Variants in ACD observed in about 807,000 individuals in gnomAD.
ACD encodes ACD shelterin complex subunit and telomerase recruitment factor.
ACD carries 39 observed loss-of-function variants against 53.9 expected under a neutral mutation model. The ratio of observed to expected loss-of-function variants is 0.72; its 90% CI spans 0.56 to 0.95. The LOEUF is 0.95. Among genes scored for constraint, ACD ranks in the 40% least tolerant of loss-of-function variants. The pLI is 0.00. For synonymous variants in ACD, 273 were observed against 249.2 expected (o/e 1.10, Z -0.90); for missense variants, 526 against 587.9 (o/e 0.89, Z 1.09).
Position 67,657,976 on chromosome 16 carries a change from C to T in ACD, c.1206+10G>A. ...GTTCTACCCTCCAGCTGCAGAGGGG[C>T]TATGCTCACCCAGACAGAGCAGGGC... On this transcript the variant is annotated intron_variant, in intron 10 of 11. Coordinates refer to ENST00000620761, the MANE Select transcript of ACD (RefSeq NM_001082486.2). The surrounding 1 kb of genome is among the most constrained non-coding windows in gnomAD (Gnocchi z 4.5). The T allele has an allele frequency of 6.3e-7, 1 of 1,580,174 alleles. No individual in the cohort carries two copies. The highest frequency in any genetic ancestry group is 8.6e-7 in the Non-Finnish European group (1 of 1,161,446).
rs773274371 is a variant in ACD at position 67,657,843 on chromosome 16, T to C, written c.1217A>G (p.Lys406Arg). The C allele has an allele frequency of 3.1e-6, 5 of 1,613,926 alleles. No homozygotes were observed. In the African/African-American group the frequency reaches 5.3e-5, roughly 17 times the overall value. ...GAAGGCAGAACCATCACGATGCCTCTTTGGGGGTTCCTGAAAGGGGTATGG... is the reference window on the plus strand; with the variant it reads ...GAAGGCAGAACCATCACGATGCCTCCTTGGGGGTTCCTGAAAGGGGTATGG... Reference protein sequence around the residue: ...QEPCSVWEPPKRHRDGSAFQY... With the variant: ...QEPCSVWEPPRRHRDGSAFQY... Residue 406 changes from lysine (K) to arginine (R), a missense_variant, in exon 11 of 12, where the codon AAG becomes AGG. Physicochemically the swap from Lys to Arg is conservative, Grantham distance 26. Coordinates refer to ENST00000620761, the MANE Select transcript of ACD (RefSeq NM_001082486.2). This position sits in a 1 kb window ranked among gnomAD's most constrained non-coding sequence, Gnocchi z 4.5.
In ACD at chr16:67,659,536, C is replaced by T. The variant is rs767285943; in HGVS notation, c.413+1G>A. ...TGCTGGAGGGCGGAGGCATCACTTA[C>T]CAACCAGGCACCCGTAGCCGGGGCT... is the stretch of plus-strand genomic sequence containing the variant. On this transcript the variant is annotated splice_donor_variant, in intron 4 of 11. Coordinates refer to ENST00000620761, the MANE Select transcript of ACD (RefSeq NM_001082486.2). LOFTEE classifies it high-confidence loss of function. The T allele has an allele frequency of 1.2e-6, 2 of 1,613,004 alleles. No homozygotes were observed. The highest frequency in any genetic ancestry group is 1.3e-5 in the African/African-American group (1 of 74,928).
At position 67,659,466 on chromosome 16, in the gene ACD, C is replaced by G. The variant is rs769159666; in HGVS notation, c.414-47G>C. The G allele has an allele frequency of 3.7e-6, 6 of 1,613,952 alleles. No individual in the cohort carries two copies. The Admixed American group carries it at 6.7e-5, about 18-fold the overall frequency. On this transcript the variant is annotated intron_variant, in intron 4 of 11. Coordinates refer to ENST00000620761, the MANE Select transcript of ACD (RefSeq NM_001082486.2). ...TTAATGGGGGCCCAAGCCCTCCTACCCCATAGGCGTCTGCCAGCGCCGGCC... is the reference window on the plus strand; with the variant it reads ...TTAATGGGGGCCCAAGCCCTCCTACGCCATAGGCGTCTGCCAGCGCCGGCC...
In ACD at chr16:67,660,008, G is replaced by A. The variant is rs1364303645; in HGVS notation, c.137C>T (p.Ser46Phe). 10 of 1,607,768 alleles carry A rather than the reference G, an allele frequency of 6.2e-6. No individual in the cohort carries two copies. The highest frequency in any genetic ancestry group is 4.4e-5 in the South Asian group (4 of 90,860). The change falls in exon 2 of 12, where the codon TCC (serine) becomes TTC (phenylalanine). Residue 46 changes from serine (S) to phenylalanine (F), a missense_variant. By Grantham distance (155) the Ser-to-Phe change is radical (BLOSUM62 -2). Coordinates refer to ENST00000620761, the MANE Select transcript of ACD (RefSeq NM_001082486.2). The part of the protein sequence containing the change: ...QDAEAAVAGP[S>F]HAPDTSDVGA... ...GACGTCGGACGTATCAGGGGCGTGG[G>A]ATGGGCCCGCGACCGCGGCCTCGGC...
Position 67,657,872 on chromosome 16 carries a change from C to G in ACD, c.1207-19G>C. On this transcript the variant is annotated intron_variant, in intron 10 of 11. Transcript: ENST00000620761. This position sits in a 1 kb window ranked among gnomAD's most constrained non-coding sequence, Gnocchi z 4.5. ...GGGGTTCCTGAAAGGGGTATGGTGT[C>G]TGGGGAAGAGCTAACAAGGACCCCA... 6.2e-7 allele frequency: 1 copy of G among 1,613,878 alleles called. No homozygotes were observed. Among genetic ancestry groups the G allele is most frequent in the Non-Finnish European group, 8.5e-7 (1 of 1,179,978 alleles).
In ACD at chr16:67,658,786, T is replaced by C. The variant is rs1297777290; in HGVS notation, c.676A>G (p.Met226Val). ...GEAVYTVPSSMLCISENDQLI... is the reference protein window; with the variant it reads ...GEAVYTVPSSVLCISENDQLI... ...TGGTCATTCTCAGAGATGCACAGCATTGAGCTGGGGACAGTGTACACAGCT... is the reference window on the plus strand; with the variant it reads ...TGGTCATTCTCAGAGATGCACAGCACTGAGCTGGGGACAGTGTACACAGCT... Residue 226 changes from methionine to valine, a missense_variant, in exon 8 of 12, where the codon ATG (methionine) becomes GTG (valine). Transcript: ENST00000620761. The C allele has an allele frequency of 6.2e-7, 1 of 1,613,520 alleles. No homozygotes were observed. The highest frequency in any genetic ancestry group is 2.2e-5 in the East Asian group (1 of 44,872).
intron 5 of ACD, 35 bp from the exon 6 acceptor site, chr16:67,659,298 T>A (rs968441217): frequency 6.2e-7 from 1 of 1,614,100 alleles, no homozygotes; most frequent in Non-Finnish European, 8.5e-7. Flanking sequence ...TCAGGAACCA[T>A]GCTGAGGCCT....
In ACD at chr16:67,658,329, T is replaced by C; in HGVS notation, c.863A>G (p.Glu288Gly). ...TPALPGHMSS[E>G]ESGTSISLLP... The stretch of plus-strand genomic sequence containing the variant: ...AAGGCTGATGCTGGTACCACTTTCC[T>C]CGGATGACATGTGGCCGGGTAAGGC... Residue 288 changes from glutamate (E) to glycine (G), a missense_variant, in exon 10 of 12, where the codon GAG becomes GGG. Physicochemically the swap from Glu to Gly is moderately conservative, Grantham distance 98 (BLOSUM62 -2). Transcript: ENST00000620761. The C allele has an allele frequency of 1.2e-6, 2 of 1,613,782 alleles. No homozygotes were observed. Among genetic ancestry groups the C allele is most frequent in the Non-Finnish European group, 1.7e-6 (2 of 1,179,986 alleles).
At position 67,658,247 on chromosome 16, in the gene ACD, G is replaced by A. The variant is rs745532404; in HGVS notation, c.945C>T (p.Pro315=). ...CAGGGGCTGAGCAGATGGCTGGTGAGGGCTGGGAGCTGCTTCTCTGCCCTG... is the reference window on the plus strand; with the variant it reads ...CAGGGGCTGAGCAGATGGCTGGTGAAGGCTGGGAGCTGCTTCTCTGCCCTG... ...PDPGQRSSSQ[P]SPAICSAPAT... The change falls in exon 10 of 12, where the codon CCC becomes CCT. Residue 315 remains proline, a synonymous_variant. Transcript: ENST00000620761. 6.2e-7 allele frequency: 1 copy of A among 1,613,590 alleles called. No homozygotes were observed. Among genetic ancestry groups the A allele is most frequent in the South Asian group, 1.1e-5 (1 of 91,090 alleles).
intron 4 of ACD, 51 bp from the exon 5 acceptor site, chr16:67,659,470 T>C (rs1202526101): frequency 6.8e-6 from 11 of 1,613,808 alleles, no homozygotes; most frequent in Admixed American, 1.7e-5. Flanking sequence ...TCCTACCCCA[T>C]AGGCGTCTGC....
At position 67,657,519 on chromosome 16, in the gene ACD, T is replaced by C. The variant is rs2052891222; in HGVS notation, c.*87A>G. On this transcript the variant is annotated 3_prime_UTR_variant, in exon 12 of 12. Transcript: ENST00000620761. This position sits in a 1 kb window ranked among gnomAD's most constrained non-coding sequence, Gnocchi z 4.5. ...AAGAGGCGGCGGCCCCAATCCCTGA[T>C]CCTCTCCTCTCCTGCCGCATGAGAT... 4.3e-6 allele frequency: 7 copies of C among 1,613,378 alleles called. No individual in the cohort carries two copies. Among genetic ancestry groups the C allele is most frequent in the Non-Finnish European group, 5.1e-6 (6 of 1,179,620 alleles).
Position 67,658,289 on chromosome 16 carries a change from G to A in ACD, c.903C>T (p.Ser301=), listed in dbSNP as rs1783907452. Residue 301 remains serine, a synonymous_variant, in exon 10 of 12, where the codon TCC becomes TCT. Transcript: ENST00000620761. ...TCTGCCCTGGGTCTGGAGCAGCCAA[G>A]GACAGGGCAGGCAGAAGGCTGATGC... The part of the protein sequence containing the change: ...GTSISLLPAL[S]LAAPDPGQRS... 6 of 1,613,876 alleles carry A rather than the reference G, an allele frequency of 3.7e-6. No homozygotes were observed. Among genetic ancestry groups the A allele is most frequent in the Non-Finnish European group, 5.1e-6 (6 of 1,180,016 alleles).
In ACD at chr16:67,659,598, G is replaced by C; in HGVS notation, c.352C>G (p.Leu118Val). The change falls in exon 4 of 12, where the codon CTC becomes GTC. Residue 118 changes from leucine (L) to valine (V), a missense_variant. By Grantham distance (32) the Leu-to-Val change is conservative (BLOSUM62 1). Coordinates refer to ENST00000620761, the MANE Select transcript of ACD (RefSeq NM_001082486.2). Reference sequence around the variant, plus strand: ...AGCAGGCTGAAGCGGTCCACCTGGAGATAGAACTCTGCGGGCTGGAGGAGT... The same window carrying C: ...AGCAGGCTGAAGCGGTCCACCTGGACATAGAACTCTGCGGGCTGGAGGAGT... The part of the protein sequence containing the change: ...AEGGAPAEFY[L>V]QVDRFSLLPT... The C allele has an allele frequency of 6.2e-7, 1 of 1,613,552 alleles. No homozygotes were observed. Among genetic ancestry groups the C allele is most frequent in the Non-Finnish European group, 8.5e-7 (1 of 1,179,994 alleles).
At chr16:67,660,100 C>G in intron 1 of ACD, 22 bp downstream of exon 1, 1 of 1,612,170 alleles carries the variant, frequency 6.2e-7, no homozygotes, top group South Asian at 1.1e-5. Flanking sequence ...CCTCGGTCTC[C>G]GGGCCCTGAA....
rs776494951 is a variant in ACD, at chr16:67,657,753, G to A, written c.1298+9C>T. 1 of 1,614,066 alleles carries A rather than the reference G, an allele frequency of 6.2e-7. No homozygotes were observed. The highest frequency in any genetic ancestry group is 1.1e-5 in the South Asian group (1 of 91,080). On this transcript the variant is annotated intron_variant, in intron 11 of 11. Transcript: ENST00000620761. The surrounding 1 kb of genome is among the most constrained non-coding windows in gnomAD (Gnocchi z 4.5). ...GTGACCAAGAGTTGGGGCAGACCCA[G>A]GCACTCACCTGACAGCTTGGACCCG...
In ACD at chr16:67,658,037, AGGC is replaced by A. The variant is rs2052909761; in HGVS notation, c.1152_1154del (p.Pro385del). On this transcript the variant is annotated inframe_deletion, in exon 10 of 12. Transcript: ENST00000620761. Reference sequence around the variant, plus strand: ...CCCTGGTAGCTCCGGTCCTGGGAAAAGGCGGCCGATTCTTGCAGGGCAACCCTA... The same window carrying A: ...CCCTGGTAGCTCCGGTCCTGGGAAAAGGCCGATTCTTGCAGGGCAACCCTA... The A allele has an allele frequency of 6.5e-7, 1 of 1,546,750 alleles. No homozygotes were observed. Among genetic ancestry groups the A allele is most frequent in the African/African-American group, 1.4e-5 (1 of 72,876 alleles).
chr16:67,659,176 C>A, intron 6 of ACD, 53 bp downstream of exon 6: 1 of 1,613,222 alleles, frequency 6.2e-7, no homozygotes, highest in East Asian at 2.2e-5. Flanking sequence ...AAGGTTAAGG[C>A]TGGAGAGATC....
Position 67,658,169 on chromosome 16 carries a change from G to C in ACD, c.1023C>G (p.Leu341=), listed in dbSNP as rs1411501589. Reference sequence around the variant, plus strand: ...GTGAGAGACTGGGAGTGCAGCTCTGGAGTGGGGAGCTGGGGGTACGGCTGG... The same window carrying C: ...GTGAGAGACTGGGAGTGCAGCTCTGCAGTGGGGAGCTGGGGGTACGGCTGG... ...PHASRTPSSP[L]QSCTPSLSPR... The change falls in exon 10 of 12, where the codon CTC becomes CTG. Residue 341 remains leucine, a synonymous_variant. Transcript: ENST00000620761. The C allele has an allele frequency of 6.2e-7, 1 of 1,610,112 alleles. No individual in the cohort carries two copies. The highest frequency in any genetic ancestry group is 1.3e-5 in the African/African-American group (1 of 74,910).
rs748312961 is a variant in ACD at position 67,659,939 on chromosome 16, C to T, written c.206G>A (p.Cys69Tyr). 6.2e-7 allele frequency: 1 copy of T among 1,606,660 alleles called. No homozygotes were observed. Among genetic ancestry groups the T allele is most frequent in the Non-Finnish European group, 8.5e-7 (1 of 1,177,700 alleles). Residue 69 changes from cysteine (C) to tyrosine (Y), a missense_variant, in exon 2 of 12, where the codon TGC becomes TAC. Coordinates refer to ENST00000620761, the MANE Select transcript of ACD (RefSeq NM_001082486.2). ...GTCCAGGGCCTCCCGCGTCACCAGGCATCGGACACTGTGGGTCCCGTCAGA... is the reference window on the plus strand; with the variant it reads ...GTCCAGGGCCTCCCGCGTCACCAGGTATCGGACACTGTGGGTCCCGTCAGA... ...LVSDGTHSVR[C>Y]LVTREALDTS... is the part of the protein sequence containing the mutation.
Sources: gnomAD v4.1 joint callset for allele counts on GRCh38, gnomAD v4.1.1 for gene constraint, Gnocchi (gnomAD v3.1) non-coding constraint, MANE v1.5 for transcripts, NCBI Gene and HGNC (gene_info 2026-07-23, HGNC 2026-07-21) for gene names.